CASP4: variants seen among roughly 807,000 people sequenced by gnomAD.
CASP4 encodes caspase 4, also known as caspase-4.
Under a neutral mutation model 41.3 loss-of-function variants are expected in CASP4, and 29 were observed. That is an observed-to-expected ratio of 0.70 (90% confidence interval 0.52 to 0.96). CASP4 has a LOEUF of 0.96. CASP4 is among the 40% of genes least tolerant of loss of function. The probability of loss-of-function intolerance (pLI) is 0.00; values close to 1 mark genes in which losing one functional copy is unlikely to be tolerated. For missense variants in CASP4, 447 were observed against 460.6 expected (o/e 0.97, Z 0.27); for synonymous variants, 185 against 158.4 (o/e 1.17, Z -1.26).
At chr11:104,943,917 T>C (rs1207561887) in intron 8 of CASP4, 1 of 152,232 alleles carries the variant, frequency 6.6e-6, no homozygotes, top group Non-Finnish European at 1.5e-5. Flanking sequence ...ATTTTAAGTA[T>C]GTATCTTAGA....
rs55989581 is a variant in CASP4, at chr11:104,966,982, T to C, written c.7+1537A>G. 3.4e-3 allele frequency among the ~76,000 whole-genome samples: 511 copies of C among 152,286 alleles called. 3 individuals carry two copies. Among genetic ancestry groups the C allele is most frequent in the African/African-American group, 0.012 (490 of 41,560 alleles). ...TGGTAAGTATTTTTTAAAGAAATGG[T>C]TACTATAGATTATTTTTTGTTATTA... On this transcript the variant is annotated intron_variant, in intron 1 of 8. Coordinates refer to ENST00000444739, the MANE Select transcript of CASP4 (RefSeq NM_001225.4).
chr11:104,963,193 T>C (rs991972317), intron 1 of CASP4, among the ~76,000 whole-genome samples: 1 of 152,236 alleles, frequency 6.6e-6, no homozygotes, highest in African/African-American at 2.4e-5. Context: ...TTTTCTCTTC[T>C]TGGATCTCGT....
At chr11:104,954,715 T>C in intron 2 of CASP4, 32 bp downstream of exon 2, 1 of 1,601,904 alleles carries the variant, frequency 6.2e-7, no homozygotes, top group Non-Finnish European at 8.5e-7. Flanking sequence ...TAGGGAAAAT[T>C]GAGACATTCA....
chr11:104,944,574 G>T (rs1860406848), intron 8 of CASP4, 174 bp downstream of exon 8: 1 of 540,348 alleles, frequency 1.9e-6, no homozygotes, highest in Admixed American at 3.4e-5. Context: ...TGTAGAGTTG[G>T]AGGAATCCAA....
At position 104,952,215 on chromosome 11, in the gene CASP4, C is replaced by T. The variant is rs572579866; in HGVS notation, c.263-210G>A. On this transcript the variant is annotated intron_variant, in intron 2 of 8. Transcript: ENST00000444739. ...CCACCCAAACATGTAATCATATATT[C>T]TGATCATTCTGGGGAAAACATGTCA... Among the ~76,000 whole-genome samples the T allele has an allele frequency of 5.7e-4, 86 of 152,174 alleles. 1 individual carries two copies. Among genetic ancestry groups the T allele is most frequent in the African/African-American group, 2.0e-3 (81 of 41,536 alleles).
intron 1 of CASP4, 24 bp downstream of exon 1, chr11:104,968,495 A>G (rs658560): frequency 0.65 from 1,044,467 of 1,603,884 alleles, 343,465 homozygotes; most frequent in Middle Eastern, 0.83. Flanking sequence ...CTACTCCCAA[A>G]CTCCTAGTCA....
chr11:104,961,471 T>C (rs566838978), intron 1 of CASP4, among the ~76,000 whole-genome samples: 10 of 147,482 alleles, frequency 6.8e-5, no homozygotes, highest in African/African-American at 2.7e-4. Flanking sequence ...TCGACTTGTC[T>C]GTAGCTCTAT....
At chr11:104,961,747 C>T (rs1433544302) in intron 1 of CASP4, among the ~76,000 whole-genome samples, 1 of 152,172 alleles carries the variant, frequency 6.6e-6, no homozygotes, top group African/African-American at 2.4e-5. Context: ...CTGTCTGTCT[C>T]ATCTTCGTGT....
At chr11:104,956,668 A>AT in intron 1 of CASP4, 1 of 984,738 alleles carries the variant, frequency 1.0e-6, no homozygotes, top group Non-Finnish European at 1.2e-6. Flanking sequence ...ACATTAGTGC[A>AT]TTCCAACAGG....
chr11:104,947,204 C>A lies in CASP4; in HGVS notation c.926-12G>T. 6.7e-7 allele frequency: 1 copy of A among 1,499,634 alleles called. No homozygotes were observed. The highest frequency in any genetic ancestry group is 9.3e-7 in the Non-Finnish European group (1 of 1,079,840). 92.9% of individuals were successfully genotyped at this position (1,499,634 alleles called of 1,614,324 possible). On this transcript the variant is annotated splice_polypyrimidine_tract_variant and intron_variant, in intron 6 of 8. Transcript: ENST00000444739. Reference sequence around the variant, plus strand: ...CCAGGACACGTTGTCTATAATGATACAGATGGGTATGCCTTGGGCTATGAC... The same window carrying A: ...CCAGGACACGTTGTCTATAATGATAAAGATGGGTATGCCTTGGGCTATGAC...
intron 7 of CASP4, among the ~76,000 whole-genome samples, chr11:104,946,058 TG>T (rs894426709): frequency 3.3e-5 from 5 of 152,002 alleles, no homozygotes; most frequent in Non-Finnish European, 7.4e-5. Flanking sequence ...TTGCCCAGGT[TG>T]GCCTCAAATT....
rs753436083 is a variant in CASP4, at chr11:104,944,777, A to G, written c.1110T>C (p.Tyr370=). The change falls in exon 8 of 9, where the codon TAT becomes TAC. Residue 370 remains tyrosine (Y), a synonymous_variant. Coordinates refer to ENST00000444739, the MANE Select transcript of CASP4 (RefSeq NM_001225.4). ...PTIERLSMTR[Y]FYLFPGN ...TTCAATTGCCAGGAAAGAGGTAGAA[A>G]TATCTTGTCATGGACAGTCGTTCTA... 11 of 1,612,464 alleles carry G rather than the reference A, an allele frequency of 6.8e-6. No homozygotes were observed. The East Asian group carries it at 2.5e-4, about 36-fold the overall frequency.
Position 104,968,505 on chromosome 11 carries a change from A to G in CASP4, c.7+14T>C. 2.5e-6 allele frequency: 4 copies of G among 1,612,000 alleles called. No homozygotes were observed. Among genetic ancestry groups the G allele is most frequent in the Non-Finnish European group, 3.4e-6 (4 of 1,178,132 alleles). ...AGTTCCTACTCCCAAACTCCTAGTC[A>G]GAAAAGGACTCACCTGCCATAGGGA... On this transcript the variant is annotated intron_variant, in intron 1 of 8. Coordinates refer to ENST00000444739, the MANE Select transcript of CASP4 (RefSeq NM_001225.4).
chr11:104,944,696 AT>A, intron 8 of CASP4, 51 bp downstream of exon 8: 2 of 1,170,350 alleles, frequency 1.7e-6, no homozygotes, highest in Non-Finnish European at 2.6e-6. Flanking sequence ...TTAACCACCA[AT>A]ATCACTCTCT....
intron 1 of CASP4, among the ~76,000 whole-genome samples, chr11:104,960,328 A>G (rs1000554274): frequency 7.9e-5 from 12 of 152,090 alleles, no homozygotes; most frequent in African/African-American, 2.2e-4. Context: ...CTATCTGTCT[A>G]TCCTTCAAGT....
At chr11:104,966,226 T>C (rs1264870561) in intron 1 of CASP4, among the ~76,000 whole-genome samples, 1 of 152,172 alleles carries the variant, frequency 6.6e-6, no homozygotes, top group African/African-American at 2.4e-5. Flanking sequence ...AAATTCTTAA[T>C]AGCAAACCAG....
chr11:104,948,725 G>A (rs1247544340), intron 5 of CASP4, 49 bp from the exon 6 acceptor site: 3 of 1,506,310 alleles, frequency 2.0e-6, no homozygotes, highest in East Asian at 4.6e-5. Context: ...CCACAGAATG[G>A]CTGTCACAGT....
chr11:104,960,779 T>C (rs1045992204), intron 1 of CASP4, among the ~76,000 whole-genome samples: 24 of 152,272 alleles, frequency 1.6e-4, no homozygotes, highest in African/African-American at 5.8e-4. Flanking sequence ...CCAGCCTTTT[T>C]TTTTATTTTT....
intron 1 of CASP4, among the ~76,000 whole-genome samples, chr11:104,960,378 AT>A (rs974771776): frequency 4.6e-5 from 7 of 152,156 alleles, no homozygotes; most frequent in African/African-American, 1.4e-4. Flanking sequence ...ATCCTCTCTG[AT>A]TCTTCCAGAG....
Sources: gnomAD v4.1 joint callset for allele counts (sites outside exome capture counted in the v4.1 genomes callset) on GRCh38, gnomAD v4.1.1 for gene constraint, MANE v1.5 for transcripts, NCBI Gene and HGNC (gene_info 2026-07-23, HGNC 2026-07-21) for gene names.